TENM4: variants seen among roughly 807,000 people sequenced by gnomAD.
The protein encoded by TENM4 is teneurin-4.
A neutral mutation model predicts 243.3 loss-of-function variants in TENM4; 82 were observed. The observed-to-expected ratio is 0.34, with a 90% CI of 0.28 to 0.40. The LOEUF is 0.40. Among genes scored for constraint, TENM4 ranks in the 10% least tolerant of loss-of-function variants. The pLI is 1.00. For missense variants in TENM4, 3,138 were observed against 3,673.3 expected (o/e 0.85, Z 3.77); for synonymous variants, 1,412 against 1,456.3 (o/e 0.97, Z 0.69).
chr11:78,841,724 C>A (rs2136174534), intron 12 of TENM4, among the ~76,000 whole-genome samples: 1 of 152,168 alleles, frequency 6.6e-6, no homozygotes, highest in South Asian at 2.1e-4. Context: ...TAAACCTTTA[C>A]TTGAACCTGC....
At chr11:79,303,259 T>C (rs1357426809) in intron 1 of TENM4, among the ~76,000 whole-genome samples, 1 of 152,230 alleles carries the variant, frequency 6.6e-6, no homozygotes, top group Non-Finnish European at 1.5e-5. Flanking sequence ...TTGCATTGGC[T>C]ATGGAATCAG....
intron 2 of TENM4, chr11:79,221,110 A>G (rs1864146248): frequency 6.6e-6 from 1 of 152,236 alleles, no homozygotes; most frequent in Admixed American, 6.5e-5. Context: ...AGAGATCCAG[A>G]GTTCAAAGGC....
At chr11:79,374,544 C>CTATATATCTA (rs1435285338) in intron 1 of TENM4, among the ~76,000 whole-genome samples, 3 of 142,008 alleles carry the variant, frequency 2.1e-5, no homozygotes, top group African/African-American at 8.3e-5. Context: ...ATATCTATAT[C>CTATATATCTA]TATATATCTA....
Position 79,066,753 on chromosome 11 carries a change from C to T in TENM4, c.224-1746G>A, listed in dbSNP as rs570795158. 7.2e-5 allele frequency among the ~76,000 whole-genome samples: 11 copies of T among 152,086 alleles called. No homozygotes were observed. The South Asian group carries it at 1.2e-3, about 17-fold the overall frequency. On this transcript the variant is annotated intron_variant, in intron 5 of 33. Coordinates refer to ENST00000278550, the MANE Select transcript of TENM4 (RefSeq NM_001098816.3). ...ACGCGCACGCACATGCACACACGCA[C>T]GCACAAGCACGCACACACACACAAG...
intron 1 of TENM4, among the ~76,000 whole-genome samples, chr11:79,361,065 T>C (rs967983640): frequency 1.3e-5 from 2 of 152,196 alleles, no homozygotes; most frequent in Non-Finnish European, 2.9e-5. Flanking sequence ...GCATTGGCCT[T>C]AGAACCCAGA....
At chr11:78,912,399 C>T (rs371787038) in intron 6 of TENM4, among the ~76,000 whole-genome samples, 28 of 152,186 alleles carry the variant, frequency 1.8e-4, no homozygotes, top group East Asian at 7.7e-4. Flanking sequence ...GGATTACAGC[C>T]GCACGCCACC....
chr11:79,271,701 C>T (rs957990504), intron 2 of TENM4, among the ~76,000 whole-genome samples: 8 of 152,198 alleles, frequency 5.3e-5, no homozygotes, highest in African/African-American at 1.2e-4. Flanking sequence ...GGTCCTGGCA[C>T]GGGCTCTTCA....
intron 18 of TENM4, among the ~76,000 whole-genome samples, chr11:78,763,629 G>A (rs1028012192): frequency 9.2e-5 from 14 of 152,222 alleles, no homozygotes; most frequent in African/African-American, 2.7e-4. Flanking sequence ...CCCGGAGAAC[G>A]AGGGAAAGGG....
chr11:78,842,357 T>C (rs932456285), intron 12 of TENM4, among the ~76,000 whole-genome samples: 12 of 152,210 alleles, frequency 7.9e-5, no homozygotes, highest in Non-Finnish European at 1.5e-4. Flanking sequence ...AGCGGTGGCA[T>C]TTGCTTTAGT....
chr11:78,969,745 C>CT (rs565571667), intron 6 of TENM4, among the ~76,000 whole-genome samples: 14 of 152,146 alleles, frequency 9.2e-5, no homozygotes, highest in Non-Finnish European at 1.9e-4. Flanking sequence ...AGGGAAGGCA[C>CT]TTTTTTCCCT....
At chr11:79,282,199 T>C (rs1344384110) in intron 2 of TENM4, among the ~76,000 whole-genome samples, 1 of 152,240 alleles carries the variant, frequency 6.6e-6, no homozygotes, top group African/African-American at 2.4e-5. Context: ...TTTCTCTACA[T>C]TTCTGTGGCC....
At chr11:79,203,790 G>A (rs11826701) in intron 3 of TENM4, among the ~76,000 whole-genome samples, 15,230 of 152,178 alleles carry the variant, frequency 0.1, 1,099 homozygotes, top group African/African-American at 0.2. Flanking sequence ...TGACTGTACT[G>A]TAATAAAAGT....
intron 6 of TENM4, among the ~76,000 whole-genome samples, chr11:79,012,101 A>T (rs1322185642): frequency 6.6e-6 from 1 of 152,192 alleles, no homozygotes; most frequent in Non-Finnish European, 1.5e-5. Context: ...CCCAAAGCAC[A>T]TGTCTCCAGA....
chr11:78,891,499 G>T (rs1321150422), intron 7 of TENM4, among the ~76,000 whole-genome samples, 163 bp from the exon 8 acceptor site: 2 of 152,218 alleles, frequency 1.3e-5, no homozygotes, highest in African/African-American at 2.4e-5. Flanking sequence ...TGTGCAAGGG[G>T]TCCACCTGGC....
chr11:78,748,440 G>C (rs879650542), intron 19 of TENM4, among the ~76,000 whole-genome samples: 27 of 152,304 alleles, frequency 1.8e-4, no homozygotes, highest in Non-Finnish European at 2.6e-4. Context: ...ACTGCACATG[G>C]GTTTTTTATG....
At chr11:79,289,551 G>A (rs941732375) in intron 2 of TENM4, among the ~76,000 whole-genome samples, 1 of 152,260 alleles carries the variant, frequency 6.6e-6, no homozygotes, top group Non-Finnish European at 1.5e-5. Flanking sequence ...CAGCTCCAGA[G>A]TTCCCTGTGG....
chr11:79,248,317 T>A (rs901383382), intron 2 of TENM4, among the ~76,000 whole-genome samples: 2 of 152,222 alleles, frequency 1.3e-5, no homozygotes, highest in African/African-American at 4.8e-5. Context: ...AAACCTCTCC[T>A]TCCTGAAGGT....
chr11:78,820,199 G>A (rs1408377970), intron 12 of TENM4, among the ~76,000 whole-genome samples: 3 of 152,200 alleles, frequency 2.0e-5, no homozygotes, highest in African/African-American at 4.8e-5. Context: ...ATGGAACTGC[G>A]AAAAGCAAAT....
At chr11:79,312,890 C>T (rs1036081328) in intron 1 of TENM4, among the ~76,000 whole-genome samples, 1 of 152,202 alleles carries the variant, frequency 6.6e-6, no homozygotes, top group African/African-American at 2.4e-5. Flanking sequence ...GCCTTCCCTG[C>T]CAGGGCAAGC....
Sources: gnomAD v4.1 joint callset for allele counts (sites outside exome capture counted in the v4.1 genomes callset) on GRCh38, gnomAD v4.1.1 for gene constraint, MANE v1.5 for transcripts, NCBI Gene and HGNC (gene_info 2026-07-23, HGNC 2026-07-21) for gene names.